The following PARD3 variants were observed in gnomAD, a reference collection of about 807,000 sequenced individuals.
PARD3 encodes the protein partitioning defective 3 homolog.
In PARD3, 75 loss-of-function variants were observed where a neutral mutation model predicts 155.4. The ratio of observed to expected loss-of-function variants is 0.48; its 90% CI spans 0.40 to 0.58. The LOEUF (loss-of-function observed/expected upper bound fraction) is 0.58, where lower values mean the gene tolerates loss of function less well. PARD3 is among the 20% of genes least tolerant of loss of function. The pLI is 0.00. For missense variants in PARD3, 1,642 were observed against 1,721.7 expected (o/e 0.95, Z 0.82); for synonymous variants, 576 against 610.5 (o/e 0.94, Z 0.83).
chr10:34,775,308 A>G (rs1010890103), intron 1 of PARD3, among the ~76,000 whole-genome samples: 1 of 152,140 alleles, frequency 6.6e-6, no homozygotes, highest in Non-Finnish European at 1.5e-5. Flanking sequence ...GCTTGAGGTC[A>G]GGAGTTGAGA....
chr10:34,270,208 T>A (rs1955548529), intron 21 of PARD3, among the ~76,000 whole-genome samples: 1 of 150,568 alleles, frequency 6.6e-6, no homozygotes, highest in African/African-American at 2.5e-5. Flanking sequence ...TGGCATGAGA[T>A]CTTGGCTCAC....
intron 19 of PARD3, among the ~76,000 whole-genome samples, chr10:34,326,445 G>A (rs1190247365): frequency 6.6e-6 from 1 of 152,096 alleles, no homozygotes; most frequent in African/African-American, 2.4e-5. Context: ...CCACTAAAAT[G>A]GATTAACCAA....
intron 1 of PARD3, among the ~76,000 whole-genome samples, chr10:34,746,255 C>CTT (rs1835316891): frequency 6.6e-6 from 1 of 150,882 alleles, no homozygotes; most frequent in African/African-American, 2.4e-5. Flanking sequence ...ACAGCCTGGC[C>CTT]AACAAAGTGA....
intron 22 of PARD3, among the ~76,000 whole-genome samples, chr10:34,230,401 G>A (rs1038277567): frequency 6.6e-6 from 1 of 151,938 alleles, no homozygotes; most frequent in Non-Finnish European, 1.5e-5. Context: ...AACTCACACT[G>A]GTAAAGTTAA....
intron 1 of PARD3, among the ~76,000 whole-genome samples, chr10:34,719,905 T>C (rs2094577200): frequency 1.3e-5 from 2 of 152,210 alleles, no homozygotes; most frequent in East Asian, 1.9e-4. Context: ...GCAAAACCCA[T>C]GTGGTTAGGT....
chr10:34,335,349 TA>T, intron 18 of PARD3, among the ~76,000 whole-genome samples: 1 of 152,100 alleles, frequency 6.6e-6, no homozygotes, highest in East Asian at 1.9e-4. Flanking sequence ...TACTGCAAGT[TA>T]AAAAGGCAAA....
In PARD3 at chr10:34,785,838, G is replaced by GA. The variant is rs548447888; in HGVS notation, c.120+29037dup. ...TCACTCCACGTAACATTCCAGAGAAGAAAAAAAAATTAATACTATACATTG... is the reference window on the plus strand; with the variant it reads ...TCACTCCACGTAACATTCCAGAGAAGAAAAAAAAAATTAATACTATACATTG... On this transcript the variant is annotated intron_variant, in intron 1 of 24. Coordinates refer to ENST00000374788, the MANE Select transcript of PARD3 (RefSeq NM_001184785.2). 4.0e-5 allele frequency among the ~76,000 whole-genome samples: 6 copies of GA among 151,314 alleles called. No homozygotes were observed. In the South Asian group the frequency reaches 8.4e-4, roughly 21 times the overall value.
intron 2 of PARD3, among the ~76,000 whole-genome samples, chr10:34,555,300 T>C (rs878888810): frequency 7.9e-5 from 12 of 152,196 alleles, no homozygotes; most frequent in African/African-American, 2.9e-4. Context: ...GTCCTTTTTT[T>C]TAAGGCCCTT....
At chr10:34,203,742 A>G (rs529329740) in intron 22 of PARD3, among the ~76,000 whole-genome samples, 5 of 152,354 alleles carry the variant, frequency 3.3e-5, no homozygotes, top group African/African-American at 9.6e-5. Context: ...TGCAGAACCC[A>G]TGAATGCAGA....
At chr10:34,428,885 A>T (rs1227794435) in intron 5 of PARD3, among the ~76,000 whole-genome samples, 1 of 152,254 alleles carries the variant, frequency 6.6e-6, no homozygotes, top group Non-Finnish European at 1.5e-5. Context: ...GAATCAGTCA[A>T]GGAAAATTTG....
intron 4 of PARD3, among the ~76,000 whole-genome samples, chr10:34,451,773 GTT>G (rs5784419): frequency 4.2e-5 from 6 of 141,260 alleles, no homozygotes; most frequent in Admixed American, 7.1e-5. Flanking sequence ...TTAGCAGCAA[GTT>G]TTTTTTTTTT....
intron 2 of PARD3, among the ~76,000 whole-genome samples, chr10:34,598,224 G>A (rs1262575591): frequency 6.6e-5 from 10 of 152,164 alleles, no homozygotes; most frequent in Non-Finnish European, 1.0e-4. Context: ...GATCTCTGAA[G>A]TTGCCCGCAG....
intron 1 of PARD3, among the ~76,000 whole-genome samples, chr10:34,764,863 A>G (rs542600135): frequency 1.1e-4 from 17 of 152,314 alleles, no homozygotes; most frequent in Admixed American, 1.1e-3. Context: ...TTAGCCCAGC[A>G]CACAGTGCTC....
chr10:34,199,003 G>A (rs1295583703), intron 22 of PARD3, among the ~76,000 whole-genome samples: 2 of 152,164 alleles, frequency 1.3e-5, no homozygotes, highest in African/African-American at 2.4e-5. Context: ...GGCATCCCTA[G>A]ATGATCCAAG....
At chr10:34,686,715 T>A (rs1370433866) in intron 2 of PARD3, among the ~76,000 whole-genome samples, 1 of 150,368 alleles carries the variant, frequency 6.7e-6, no homozygotes, top group East Asian at 2.0e-4. Flanking sequence ...CACTCCAGCC[T>A]GGGAAACAAG....
chr10:34,555,036 G>A (rs1370728898), intron 2 of PARD3, among the ~76,000 whole-genome samples: 1 of 152,310 alleles, frequency 6.6e-6, no homozygotes, highest in African/African-American at 2.4e-5. Context: ...GTCTGATACT[G>A]TAATGGGGTC....
At chr10:34,466,914 A>G (rs767977229) in intron 4 of PARD3, among the ~76,000 whole-genome samples, 1 of 152,148 alleles carries the variant, frequency 6.6e-6, no homozygotes, top group African/African-American at 2.4e-5. Context: ...AGTAAAGCCA[A>G]CGAAAATTCA....
chr10:34,358,207 T>C (rs760412353), intron 14 of PARD3, among the ~76,000 whole-genome samples: 3 of 152,200 alleles, frequency 2.0e-5, no homozygotes, highest in Non-Finnish European at 2.9e-5. Flanking sequence ...TTTAGCTTTT[T>C]TCAAGCTCCA....
intron 1 of PARD3, among the ~76,000 whole-genome samples, chr10:34,811,296 C>A (rs1479987361): frequency 6.6e-6 from 1 of 152,186 alleles, no homozygotes; most frequent in African/African-American, 2.4e-5. Context: ...GATCCTGACC[C>A]CCTGGGCTGA....
Sources: allele counts gnomAD v4.1 joint callset (sites outside exome capture counted in the v4.1 genomes callset), GRCh38; gene constraint gnomAD v4.1.1; transcripts MANE v1.5; gene names NCBI Gene and HGNC (gene_info 2026-07-23, HGNC 2026-07-21).